Variants in COL13A1 observed in about 807,000 individuals in gnomAD.
COL13A1 encodes collagen type XIII alpha 1 chain.
In COL13A1, 89 loss-of-function variants were observed where a neutral mutation model predicts 130.9. That is an observed-to-expected ratio of 0.68 (90% CI 0.57 to 0.81). The LOEUF is 0.81. Ranked by LOEUF, COL13A1 falls within the 30% of genes least tolerant of loss-of-function variation. The pLI is 0.00. For missense variants in COL13A1, 879 were observed against 934.6 expected (o/e 0.94, Z 0.78); for synonymous variants, 402 against 341.6 (o/e 1.18, Z -1.95).
chr10:69,830,852 G>A (rs374090069), intron 2 of COL13A1, among the ~76,000 whole-genome samples: 5 of 152,122 alleles, frequency 3.3e-5, no homozygotes, highest in Non-Finnish European at 4.4e-5. Flanking sequence ...ACATTTTATC[G>A]TCCCAAAAAA....
intron 23 of COL13A1, 28 bp downstream of exon 23, chr10:69,922,822 G>C: frequency 1.3e-6 from 2 of 1,498,848 alleles, no homozygotes; most frequent in Non-Finnish European, 9.0e-7. Flanking sequence ...TTGGTGTTGG[G>C]GAGGTGCTTA....
At chr10:69,891,623 C>A (rs1227743) in intron 10 of COL13A1, among the ~76,000 whole-genome samples, 1 of 152,122 alleles carries the variant, frequency 6.6e-6, no homozygotes, top group South Asian at 2.1e-4. Context: ...TAGTGGAGAC[C>A]GAGGCAGGAA....
intron 7 of COL13A1, among the ~76,000 whole-genome samples, chr10:69,881,545 G>T (rs2060138597): frequency 6.6e-6 from 1 of 152,206 alleles, no homozygotes. Flanking sequence ...CAAGCGAGGG[G>T]TTGTGGCGAG....
intron 17 of COL13A1, among the ~76,000 whole-genome samples, chr10:69,906,999 G>T (rs756706360): frequency 6.6e-6 from 1 of 152,152 alleles, no homozygotes; most frequent in African/African-American, 2.4e-5. Flanking sequence ...AAAGTGCTGG[G>T]ATTACAGGCG....
At chr10:69,873,361 T>G (rs1227406084) in intron 4 of COL13A1, among the ~76,000 whole-genome samples, 1 of 152,152 alleles carries the variant, frequency 6.6e-6, no homozygotes, top group Non-Finnish European at 1.5e-5. Flanking sequence ...ACTCTCCCAG[T>G]AAGAGCCCCA....
chr10:69,886,492 T>C (rs1486459644), intron 7 of COL13A1, among the ~76,000 whole-genome samples: 1 of 152,184 alleles, frequency 6.6e-6, no homozygotes, highest in Non-Finnish European at 1.5e-5. Flanking sequence ...CATGTTTGTT[T>C]GGTGGTGAAC....
At chr10:69,805,929 G>C (rs1405403587) in intron 1 of COL13A1, among the ~76,000 whole-genome samples, 1 of 152,234 alleles carries the variant, frequency 6.6e-6, no homozygotes, top group African/African-American at 2.4e-5. Context: ...TGTCCTCATG[G>C]GGCACACACA....
intron 2 of COL13A1, among the ~76,000 whole-genome samples, chr10:69,866,030 C>T (rs558647122): frequency 3.7e-4 from 57 of 152,174 alleles, no homozygotes; most frequent in Non-Finnish European, 6.3e-4. Context: ...CTAATAAGGA[C>T]CATAGAGGTG....
chr10:69,919,148 G>A (rs2064301747), intron 20 of COL13A1, 60 bp downstream of exon 20: 1 of 1,608,010 alleles, frequency 6.2e-7, no homozygotes, highest in Non-Finnish European at 8.5e-7. Context: ...GCAGAGGTGG[G>A]AGGGGCTGCT....
intron 2 of COL13A1, among the ~76,000 whole-genome samples, chr10:69,831,601 C>T (rs761573992): frequency 3.3e-5 from 5 of 152,112 alleles, no homozygotes; most frequent in Non-Finnish European, 7.3e-5. Context: ...CTGATAGACT[C>T]GAGGTGATAG....
At chr10:69,903,611 G>A (rs2062427054) in intron 15 of COL13A1, among the ~76,000 whole-genome samples, 1 of 152,208 alleles carries the variant, frequency 6.6e-6, no homozygotes, top group Non-Finnish European at 1.5e-5. Flanking sequence ...TAAGACTAAT[G>A]TTATTGGAGA....
At chr10:69,833,979 G>T (rs925185637) in intron 2 of COL13A1, among the ~76,000 whole-genome samples, 1 of 152,208 alleles carries the variant, frequency 6.6e-6, no homozygotes, top group African/African-American at 2.4e-5. Context: ...GATGTATCCA[G>T]CTGTGTATAG....
At chr10:69,930,666 G>A in intron 30 of COL13A1, 114 bp downstream of exon 30, 2 of 1,244,626 alleles carry the variant, frequency 1.6e-6, no homozygotes, top group Non-Finnish European at 2.2e-6. Context: ...CTAGAAACCT[G>A]GGGCCAGGGC....
intron 38 of COL13A1, among the ~76,000 whole-genome samples, chr10:69,948,194 T>C (rs2068836897): frequency 1.3e-5 from 2 of 152,210 alleles, no homozygotes; most frequent in East Asian, 3.8e-4. Flanking sequence ...ACAATGATTA[T>C]GTGTTCTGGG....
intron 17 of COL13A1, among the ~76,000 whole-genome samples, chr10:69,915,842 T>C (rs776202379): frequency 6.6e-6 from 1 of 152,094 alleles, no homozygotes; most frequent in Non-Finnish European, 1.5e-5. Context: ...TGGAAATGGG[T>C]AGTGTTTTCA....
chr10:69,903,158 C>T (rs1409273022), intron 15 of COL13A1, among the ~76,000 whole-genome samples: 2 of 152,346 alleles, frequency 1.3e-5, no homozygotes, highest in East Asian at 3.9e-4. Context: ...CCAAGGGCAC[C>T]TCTGATGGCT....
At chr10:69,896,518 C>A (rs1156742000) in intron 13 of COL13A1, among the ~76,000 whole-genome samples, 1 of 152,218 alleles carries the variant, frequency 6.6e-6, no homozygotes, top group Non-Finnish European at 1.5e-5. Flanking sequence ...GCTTCCCTGG[C>A]TGCCCACCCC....
intron 21 of COL13A1, among the ~76,000 whole-genome samples, chr10:69,920,072 A>G (rs578108220): frequency 6.6e-6 from 1 of 152,328 alleles, no homozygotes; most frequent in South Asian, 2.1e-4. Context: ...CAGCCCAGGC[A>G]GGACAGGGCA....
intron 1 of COL13A1, among the ~76,000 whole-genome samples, chr10:69,811,077 G>A (rs1842918659): frequency 6.6e-6 from 1 of 152,196 alleles, no homozygotes; most frequent in African/African-American, 2.4e-5. Flanking sequence ...CGTAGGCTGG[G>A]CCTCTGCCTC....
Sources: gnomAD v4.1 joint callset for allele counts (sites outside exome capture counted in the v4.1 genomes callset) on GRCh38, gnomAD v4.1.1 for gene constraint, MANE v1.5 for transcripts, NCBI Gene and HGNC (gene_info 2026-07-23, HGNC 2026-07-21) for gene names.